SBNO1: variants seen among roughly 807,000 people sequenced by gnomAD.
The protein encoded by SBNO1 is strawberry notch homolog 1, also known as protein strawberry notch homolog 1.
In SBNO1, 23 loss-of-function variants were observed where a neutral mutation model predicts 173.6. The ratio of observed to expected loss-of-function variants is 0.13; its 90% CI spans 0.10 to 0.19. The LOEUF is 0.19. Among genes scored for constraint, SBNO1 ranks in the 10% least tolerant of loss-of-function variants. The pLI is 1.00. For synonymous variants in SBNO1, 632 were observed against 571.5 expected, an observed-to-expected ratio of 1.11 and a Z score of -1.51; for missense variants, 1,238 against 1,671.2, an observed-to-expected ratio of 0.74 and a Z score of 4.52.
intron 17 of SBNO1, among the ~76,000 whole-genome samples, chr12:123,321,158 C>T (rs1025985541): frequency 6.6e-6 from 1 of 152,082 alleles, no homozygotes; most frequent in Non-Finnish European, 1.5e-5. Flanking sequence ...AGGCTGATCT[C>T]GAACTCCCAG....
intron 20 of SBNO1, among the ~76,000 whole-genome samples, chr12:123,318,423 TCAAA>T (rs1318633483): frequency 3.3e-5 from 5 of 151,562 alleles, no homozygotes; most frequent in Admixed American, 6.6e-5. Context: ...ACGGTCCTTC[TCAAA>T]CAAAGTCTAC....
chr12:123,296,631 G>A (rs1173660318), intron 31 of SBNO1, among the ~76,000 whole-genome samples: 2 of 151,570 alleles, frequency 1.3e-5, no homozygotes, highest in African/African-American at 4.8e-5. Flanking sequence ...CACAATCTTG[G>A]CTCATTGCAA....
intron 1 of SBNO1, among the ~76,000 whole-genome samples, chr12:123,353,577 A>G (rs897861433): frequency 6.6e-6 from 1 of 152,214 alleles, no homozygotes; most frequent in African/African-American, 2.4e-5. Context: ...GATTTCAAAT[A>G]AAGTTGTTTG....
chr12:123,304,534 C>T (rs542831200), intron 29 of SBNO1, 48 bp downstream of exon 29: 4 of 1,404,834 alleles, frequency 2.8e-6, no homozygotes, highest in African/African-American at 1.4e-5. Flanking sequence ...CATTGCCTGG[C>T]CCAAAGTAAG....
chr12:123,353,668 T>C (rs934380953), intron 1 of SBNO1, among the ~76,000 whole-genome samples: 1 of 152,142 alleles, frequency 6.6e-6, no homozygotes, highest in Non-Finnish European at 1.5e-5. Flanking sequence ...CTTTTACAAA[T>C]TATCCTACTG....
Position 123,310,512 on chromosome 12 carries a change from G to A in SBNO1, c.3295+543C>T, listed in dbSNP as rs947120410. Among the ~76,000 whole-genome samples, 4 of 151,892 alleles carry A rather than the reference G, an allele frequency of 2.6e-5. No homozygotes were observed. In the East Asian group the frequency reaches 5.8e-4, roughly 22 times the overall value. ...CTCCCAAAGTGATGGGATTACAGGC[G>A]TGAGCCACCGCGCCCGACCAATTTT... is the stretch of plus-strand genomic sequence containing the variant. On this transcript the variant is annotated intron_variant, in intron 25 of 31. Coordinates refer to ENST00000602398, the MANE Select transcript of SBNO1 (RefSeq NM_001167856.3).
chr12:123,339,276 T>G (rs558544083), intron 5 of SBNO1, among the ~76,000 whole-genome samples: 2 of 152,086 alleles, frequency 1.3e-5, no homozygotes, highest in East Asian at 1.9e-4. Context: ...TTTTTTTCCT[T>G]TCCCCTCTCC....
intron 24 of SBNO1, among the ~76,000 whole-genome samples, chr12:123,313,340 TTTACTCAATGTA>T (rs1174283406): frequency 4.0e-5 from 6 of 151,624 alleles, no homozygotes; most frequent in African/African-American, 1.5e-4. Flanking sequence ...GCAAAGTGAT[TTTACTCAATGTA>T]CTAAAACAAC....
chr12:123,324,637 G>C (rs142041523), intron 15 of SBNO1, among the ~76,000 whole-genome samples: 2 of 152,076 alleles, frequency 1.3e-5, no homozygotes, highest in Non-Finnish European at 2.9e-5. Context: ...AGGAGCATCT[G>C]AATGCATCCC....
Position 123,340,990 on chromosome 12 carries a change from T to C in SBNO1, c.649A>G (p.Met217Val). 5 of 1,552,582 alleles carry C rather than the reference T, an allele frequency of 3.2e-6. No homozygotes were observed. The highest frequency in any genetic ancestry group is 2.3e-5 in the South Asian group (2 of 87,856). Residue 217 changes from methionine (M) to valine (V), a missense_variant and splice_region_variant, in exon 5 of 32, where the codon ATG becomes GTG. By Grantham distance (21) the Met-to-Val change is conservative (BLOSUM62 1). This residue lies in a region of SBNO1 where 287 missense variants were observed against 274.1 expected (regional missense o/e 1.05). Transcript: ENST00000602398. Reference protein sequence around the residue: ...DMKMRSFSPTMKVPVVKEDDE... With the variant: ...DMKMRSFSPTVKVPVVKEDDE... ...AGACACAGTTATTTGAAACTCACCA[T>C]GGTTGGGGAAAAACTCCTCATCTTC...
rs1031836485 is a variant in SBNO1 at position 123,325,660 on chromosome 12, C to T, written c.1876-61G>A. 2.8e-6 allele frequency: 3 copies of T among 1,088,780 alleles called. No homozygotes were observed. The African/African-American group carries it at 4.7e-5, about 17-fold the overall frequency. The allele number at this position is 1,088,780 out of a possible 1,614,324, so 67.4% of individuals were successfully genotyped here. A position where few individuals can be genotyped will look rare whatever the true frequency, so the allele number is the denominator to read the frequency against. On this transcript the variant is annotated intron_variant, in intron 14 of 31. Coordinates refer to ENST00000602398, the MANE Select transcript of SBNO1 (RefSeq NM_001167856.3). ...TAATGTTTGTGGCTTCTTACCAAGA[C>T]ATATTTTAAACATTTAGCTAAACAA...
rs146195433 is a variant in SBNO1, at chr12:123,301,638, G to A, written c.3845+1186C>T. 1.6e-4 allele frequency among the ~76,000 whole-genome samples: 24 copies of A among 152,310 alleles called. No individual in the cohort carries two copies. In the East Asian group the frequency reaches 4.4e-3, roughly 28 times the overall value. ...GCCAAGGGGTGAGGGGGCACAGCAG[G>A]AAGAGCTCCAAGACTCAACAACAAA... is the stretch of plus-strand genomic sequence containing the variant. On this transcript the variant is annotated intron_variant, in intron 30 of 31. Transcript: ENST00000602398.
At chr12:123,355,478 C>T (rs1158865161) in intron 1 of SBNO1, among the ~76,000 whole-genome samples, 1 of 152,116 alleles carries the variant, frequency 6.6e-6, no homozygotes, top group East Asian at 1.9e-4. Context: ...GTGGCGGGCG[C>T]CTGTAATCCC....
intron 23 of SBNO1, 64 bp downstream of exon 23, chr12:123,315,304 CCTTTT>C (rs1869142603): frequency 1.6e-6 from 2 of 1,226,050 alleles, no homozygotes; most frequent in Admixed American, 1.7e-5. Flanking sequence ...TAACTACTTT[CCTTTT>C]GTGTTCCCGA....
chr12:123,340,956 C>T (rs1273442543), intron 5 of SBNO1, 32 bp downstream of exon 5: 1 of 1,333,798 alleles, frequency 7.5e-7, no homozygotes, highest in East Asian at 2.3e-5. Context: ...TCATACTACA[C>T]AAAAATAAAG....
At chr12:123,338,655 A>C in intron 5 of SBNO1, among the ~76,000 whole-genome samples, 1 of 152,158 alleles carries the variant, frequency 6.6e-6, no homozygotes, top group East Asian at 1.9e-4. Context: ...AATGCACTCC[A>C]GCCTGTGACA....
intron 1 of SBNO1, among the ~76,000 whole-genome samples, chr12:123,351,222 G>A (rs1247068936): frequency 6.6e-6 from 1 of 152,194 alleles, no homozygotes; most frequent in Admixed American, 6.5e-5. Context: ...ACGGCAAGAG[G>A]TGAAGGTATC....
At chr12:123,359,499 T>C (rs1279936717) in intron 1 of SBNO1, among the ~76,000 whole-genome samples, 4 of 148,664 alleles carry the variant, frequency 2.7e-5, no homozygotes, top group Non-Finnish European at 5.9e-5. Flanking sequence ...GAGGTGGAGG[T>C]TGCCAAGATC....
At position 123,309,755 on chromosome 12, in the gene SBNO1, C is replaced by T; in HGVS notation, c.3397G>A (p.Val1133Ile). ...CTTCCATTTTTTTTGGCATTTTGAA[C>T]AACTGCAGTAAGTGTGTCCGCAAAA... ...QYFADTLTAV[V>I]QNAKKNGRYD... Residue 1133 changes from valine to isoleucine, a missense_variant, in exon 26 of 32, where the codon GTT (valine) becomes ATT (isoleucine). Coordinates refer to ENST00000602398, the MANE Select transcript of SBNO1 (RefSeq NM_001167856.3). 1.9e-6 allele frequency: 3 copies of T among 1,612,706 alleles called. 1 individual carries two copies. The South Asian group carries it at 3.3e-5, about 18-fold the overall frequency.
Sources: allele counts gnomAD v4.1 joint callset (sites outside exome capture counted in the v4.1 genomes callset), GRCh38; gene constraint gnomAD v4.1.1; regional missense constraint gnomAD v4.1.1; transcripts MANE v1.5; gene names NCBI Gene and HGNC (gene_info 2026-07-23, HGNC 2026-07-21).